AGBL4: variants seen among roughly 807,000 people sequenced by gnomAD.
AGBL4 encodes cytosolic carboxypeptidase 6.
In AGBL4, 58 loss-of-function variants were observed where a neutral mutation model predicts 66.4. The ratio of observed to expected loss-of-function variants is 0.87; its 90% CI spans 0.71 to 1.09. AGBL4 has a LOEUF of 1.09. Ranked by LOEUF, AGBL4 falls within the 50% of genes least tolerant of loss-of-function variation. The probability of loss-of-function intolerance (pLI) is 0.00; values close to 1 mark genes in which losing one functional copy is unlikely to be tolerated. For synonymous variants in AGBL4, 234 were observed against 222.9 expected (o/e 1.05, Z -0.44); for missense variants, 579 against 631.0 (o/e 0.92, Z 0.88).
intron 3 of AGBL4, among the ~76,000 whole-genome samples, chr1:49,398,330 TC>T (rs1316142676): frequency 6.9e-5 from 7 of 102,186 alleles, no homozygotes; most frequent in South Asian, 3.0e-4. Flanking sequence ...TCCCTCTCTC[TC>T]TTTCTCTCTC....
chr1:49,864,175 C>T (rs1168096409), intron 1 of AGBL4, among the ~76,000 whole-genome samples: 1 of 152,084 alleles, frequency 6.6e-6, no homozygotes, highest in Non-Finnish European at 1.5e-5. Flanking sequence ...ACAAACATTG[C>T]ATGTTCTCAT....
At chr1:48,945,607 GC>G (rs1398643199) in intron 5 of AGBL4, among the ~76,000 whole-genome samples, 2 of 152,194 alleles carry the variant, frequency 1.3e-5, no homozygotes, top group Non-Finnish European at 2.9e-5. Context: ...GTATGAGAGA[GC>G]TTTGCCCTGT....
At chr1:48,823,987 G>A (rs1212913822) in intron 6 of AGBL4, among the ~76,000 whole-genome samples, 2 of 152,044 alleles carry the variant, frequency 1.3e-5, no homozygotes, top group African/African-American at 4.8e-5. Context: ...GTGTGTGTGT[G>A]TATATGTGCA....
intron 5 of AGBL4, among the ~76,000 whole-genome samples, chr1:48,942,643 A>G (rs1228101067): frequency 6.6e-6 from 1 of 152,230 alleles, no homozygotes; most frequent in Admixed American, 6.5e-5. Flanking sequence ...AGAATTTAGA[A>G]TAAAGCCCTG....
chr1:48,717,048 C>T (rs779309605), intron 6 of AGBL4, among the ~76,000 whole-genome samples: 39 of 152,240 alleles, frequency 2.6e-4, no homozygotes, highest in South Asian at 4.1e-4. Context: ...CAGGCCACGT[C>T]TGTATTTCAG....
At chr1:49,800,989 A>C (rs986835789) in intron 2 of AGBL4, among the ~76,000 whole-genome samples, 469 of 150,660 alleles carry the variant, frequency 3.1e-3, no homozygotes, top group Non-Finnish European at 4.7e-3. Flanking sequence ...CCAACAGTGT[A>C]AAAGTGTTCC....
intron 11 of AGBL4, among the ~76,000 whole-genome samples, chr1:48,575,985 G>C (rs1423109361): frequency 1.3e-5 from 2 of 152,164 alleles, no homozygotes; most frequent in Non-Finnish European, 1.5e-5. Context: ...TCAGAATGGA[G>C]CTATCTCCCA....
chr1:49,921,242 T>C (rs1173005815), intron 1 of AGBL4, among the ~76,000 whole-genome samples: 1 of 151,616 alleles, frequency 6.6e-6, no homozygotes, highest in Admixed American at 6.6e-5. Flanking sequence ...AGTATAACTT[T>C]TAAAAAAAAG....
chr1:49,948,526 AAT>A (rs1222279027), intron 1 of AGBL4, among the ~76,000 whole-genome samples: 2 of 92,596 alleles, frequency 2.2e-5, no homozygotes, highest in Admixed American at 1.4e-4. Context: ...AATATAAATA[AAT>A]ATATATAAAT....
At chr1:49,872,209 C>T (rs1646853920) in intron 1 of AGBL4, among the ~76,000 whole-genome samples, 1 of 151,834 alleles carries the variant, frequency 6.6e-6, no homozygotes, top group Non-Finnish European at 1.5e-5. Flanking sequence ...CTCTCATGAG[C>T]AAAATTTAAA....
rs748373578 is a variant in AGBL4, at chr1:49,181,287, C to G, written c.377+64483G>C. On this transcript the variant is annotated intron_variant, in intron 4 of 13. Transcript: ENST00000371839. ...CCTTCCTTCTCTCTGTCTCTCCAAA[C>G]TCATCCTTAAACATTGAGGTTCTTC... Among the ~76,000 whole-genome samples, 5 of 152,178 alleles carry G rather than the reference C, an allele frequency of 3.3e-5. No individual in the cohort carries two copies. The South Asian group carries it at 6.2e-4, about 19-fold the overall frequency.
chr1:49,202,966 A>G (rs1557725196), intron 4 of AGBL4, among the ~76,000 whole-genome samples: 1 of 152,026 alleles, frequency 6.6e-6, no homozygotes, highest in Non-Finnish European at 1.5e-5. Flanking sequence ...ACATTTCTTT[A>G]AAGTAGATAT....
intron 3 of AGBL4, among the ~76,000 whole-genome samples, chr1:49,418,666 T>C (rs1289887491): frequency 6.6e-6 from 1 of 152,188 alleles, no homozygotes; most frequent in Non-Finnish European, 1.5e-5. Context: ...GAACAGCCTG[T>C]GATCCCCCCT....
chr1:48,832,345 G>A (rs938736506), intron 6 of AGBL4, among the ~76,000 whole-genome samples: 6 of 152,162 alleles, frequency 3.9e-5, no homozygotes, highest in African/African-American at 1.2e-4. Context: ...TGGACCTGCC[G>A]TGTGAATTCT....
intron 6 of AGBL4, among the ~76,000 whole-genome samples, chr1:48,679,510 C>T (rs1454002522): frequency 1.3e-5 from 2 of 149,346 alleles, no homozygotes; most frequent in Non-Finnish European, 2.9e-5. Context: ...TATCTATCCT[C>T]TCCACCTCTC....
chr1:49,422,648 T>G (rs6662634), intron 3 of AGBL4, among the ~76,000 whole-genome samples: 12,689 of 152,200 alleles, frequency 0.083, 806 homozygotes, highest in African/African-American at 0.16. Context: ...ATTTCATGCT[T>G]TCTTACTTTT....
chr1:49,679,238 CAGA>C (rs1311714396), intron 3 of AGBL4, among the ~76,000 whole-genome samples: 1 of 152,048 alleles, frequency 6.6e-6, no homozygotes, highest in Non-Finnish European at 1.5e-5. Context: ...CATACACATT[CAGA>C]AGAAGATGCC....
intron 2 of AGBL4, among the ~76,000 whole-genome samples, chr1:49,746,938 T>C (rs1362631969): frequency 6.6e-6 from 1 of 152,112 alleles, no homozygotes; most frequent in Non-Finnish European, 1.5e-5. Context: ...GCCCATAAGA[T>C]ACTTACAAGT....
chr1:48,666,822 A>C (rs892383442), intron 6 of AGBL4, among the ~76,000 whole-genome samples: 2 of 152,258 alleles, frequency 1.3e-5, no homozygotes, highest in African/African-American at 4.8e-5. Context: ...TTGCAATAGC[A>C]ATTAAGTAAT....
Sources: allele counts gnomAD v4.1 joint callset (sites outside exome capture counted in the v4.1 genomes callset), GRCh38; gene constraint gnomAD v4.1.1; transcripts MANE v1.5; gene names NCBI Gene and HGNC (gene_info 2026-07-23, HGNC 2026-07-21).